The following PAK3 variants were observed in gnomAD, a reference collection of about 807,000 sequenced individuals.
The protein encoded by PAK3 is serine/threonine-protein kinase PAK 3.
PAK3 carries 4 observed loss-of-function variants against 41.0 expected under a neutral mutation model. The observed-to-expected ratio is 0.10, with a 90% CI of 0.05 to 0.22. The LOEUF is 0.22. Ranked by LOEUF, PAK3 falls within the 10% of genes least tolerant of loss-of-function variation. The pLI is 1.00. For missense variants in PAK3, 205 were observed against 409.9 expected, an observed-to-expected ratio of 0.50 and a Z score of 4.32; for synonymous variants, 146 against 139.6, an observed-to-expected ratio of 1.05 and a Z score of -0.32.
rs1217228722 is a variant in PAK3, at chrX:111,222,668, A to G, written c.*2221A>G. ...CTGGGATGCAAATAAAAATCAGTAC[A>G]TTAGTGACTGTGTCCTGCCAGTGGA... On this transcript the variant is annotated 3_prime_UTR_variant, in exon 18 of 18. Coordinates refer to ENST00000372007, the MANE Select transcript of PAK3 (RefSeq NM_002578.5). 3.6e-5 allele frequency: 4 copies of G among 111,876 alleles called. No individual in the cohort carries two copies. The highest frequency in any genetic ancestry group is 3.8e-5 in the Non-Finnish European group (2 of 53,159). The allele number at this position is 111,876 out of a possible 1,213,427, so 9.2% of individuals were successfully genotyped here.
At chrX:111,022,269 T>C (rs942001754) in intron 1 of PAK3, among the ~76,000 whole-genome samples, 23 of 111,943 alleles carry the variant, frequency 2.1e-4, no homozygotes, top group African/African-American at 6.8e-4. Context: ...TCTTCAGAGC[T>C]GTGAGGCAAA....
intron 8 of PAK3, among the ~76,000 whole-genome samples, chrX:111,159,095 G>T (rs1164060586): frequency 1.8e-5 from 2 of 110,788 alleles, no homozygotes; most frequent in East Asian, 5.7e-4. Flanking sequence ...GTAAATTTTT[G>T]AAATTATTTT....
At chrX:111,101,697 C>A (rs1000350806) in intron 3 of PAK3, among the ~76,000 whole-genome samples, 2 of 111,677 alleles carry the variant, frequency 1.8e-5, no homozygotes, top group African/African-American at 6.5e-5. Flanking sequence ...GCACCCCTCT[C>A]CCCCTCACCC....
chrX:111,054,358 T>C (rs1227232872), intron 1 of PAK3, among the ~76,000 whole-genome samples: 3 of 112,626 alleles, frequency 2.7e-5, no homozygotes, highest in Non-Finnish European at 5.6e-5. Flanking sequence ...CAGATAAGTA[T>C]GTGCTTAGAG....
chrX:110,984,765 C>G (rs2091510549), intron 1 of PAK3, among the ~76,000 whole-genome samples: 1 of 110,898 alleles, frequency 9.0e-6, no homozygotes, highest in African/African-American at 3.3e-5. Flanking sequence ...TAGTGGCAGC[C>G]TTACGCCCCC....
At chrX:111,171,515 G>T (rs773503449) in intron 10 of PAK3, among the ~76,000 whole-genome samples, 1 of 111,681 alleles carries the variant, frequency 9.0e-6, no homozygotes, top group Admixed American at 9.5e-5. Flanking sequence ...TATTTATTCT[G>T]AGTGATAGCA....
chrX:111,031,976 G>A (rs1481075672), intron 1 of PAK3, among the ~76,000 whole-genome samples: 2 of 112,064 alleles, frequency 1.8e-5, no homozygotes, highest in African/African-American at 3.2e-5. Flanking sequence ...CAAAATTACA[G>A]TAGTTATGAG....
At chrX:111,116,066 T>A in intron 4 of PAK3, among the ~76,000 whole-genome samples, 1 of 111,279 alleles carries the variant, frequency 9.0e-6, no homozygotes. Context: ...TTATTATCCA[T>A]GCATAGTAAC....
intron 1 of PAK3, among the ~76,000 whole-genome samples, chrX:110,979,485 GACGGGGTTTC>G (rs760056173): frequency 7.3e-5 from 8 of 109,355 alleles, no homozygotes; most frequent in Non-Finnish European, 1.9e-5. Context: ...TTTCAGTAGA[GACGGGGTTTC>G]ACCGTGTTAG....
intron 3 of PAK3, among the ~76,000 whole-genome samples, chrX:111,101,553 T>C (rs2093138358): frequency 8.9e-6 from 1 of 111,801 alleles, no homozygotes; most frequent in African/African-American, 3.3e-5. Context: ...TCCTCTAGTA[T>C]TGTTTCCCAC....
chrX:111,114,551 G>A (rs1357662675), intron 4 of PAK3, among the ~76,000 whole-genome samples: 2 of 111,743 alleles, frequency 1.8e-5, no homozygotes, highest in Non-Finnish European at 3.8e-5. Context: ...ATGTTGGGCT[G>A]ACATAAGATC....
At chrX:111,163,800 C>T (rs1266131402) in intron 10 of PAK3, 73 bp downstream of exon 10, 4 of 876,561 alleles carry the variant, frequency 4.6e-6, no homozygotes, top group Admixed American at 2.2e-5. Context: ...GGGAATTGAT[C>T]CTTTGGAAGT....
At chrX:111,058,758 T>G (rs73539039) in intron 1 of PAK3, among the ~76,000 whole-genome samples, 5,201 of 111,688 alleles carry the variant, frequency 0.047, 295 homozygotes, top group African/African-American at 0.16. Context: ...AAACACAAAA[T>G]ATTGACCCCT....
rs78753155 is a variant in PAK3 at position 111,160,595 on chromosome X, A to T, written c.469-2320A>T. Among the ~76,000 whole-genome samples the T allele has an allele frequency of 6.1e-3, 642 of 104,875 alleles. 1 individual carries two copies. The highest frequency in any genetic ancestry group is 7.8e-3 in the African/African-American group (227 of 28,922). 91.1% of individuals were successfully genotyped at this position (104,875 alleles called of 115,157 possible). On this transcript the variant is annotated intron_variant, in intron 8 of 17. Coordinates refer to ENST00000372007, the MANE Select transcript of PAK3 (RefSeq NM_002578.5). ...CTCATCATTTAGCATTAGGTATATC[A>T]CCTAATGCTATCCCTCCCCGCTCCC...
chrX:110,999,333 C>T (rs915540389), intron 1 of PAK3, among the ~76,000 whole-genome samples: 4 of 111,978 alleles, frequency 3.6e-5, no homozygotes, highest in Non-Finnish European at 7.5e-5. Context: ...ATCTCAGTTG[C>T]TGCATTGCAC....
At chrX:111,180,502 G>A (rs1449969533) in intron 11 of PAK3, among the ~76,000 whole-genome samples, 1 of 111,794 alleles carries the variant, frequency 8.9e-6, no homozygotes, top group Non-Finnish European at 1.9e-5. Flanking sequence ...AAATGAATAT[G>A]GATAAGTACC....
intron 8 of PAK3, among the ~76,000 whole-genome samples, chrX:111,153,664 T>A (rs1364371459): frequency 1.8e-5 from 2 of 112,110 alleles, no homozygotes; most frequent in Non-Finnish European, 3.8e-5. Context: ...CTGCTTGACA[T>A]CACCCTGGGT....
chrX:111,191,686 C>T (rs2094561771), intron 11 of PAK3, among the ~76,000 whole-genome samples: 1 of 111,971 alleles, frequency 8.9e-6, no homozygotes, highest in Admixed American at 9.5e-5. Context: ...CTAAACTATT[C>T]TTCAGTTTAA....
chrX:111,012,878 G>C (rs1331330259), intron 1 of PAK3, among the ~76,000 whole-genome samples: 1 of 111,582 alleles, frequency 9.0e-6, no homozygotes, highest in African/African-American at 3.3e-5. Context: ...CACTTTCCTG[G>C]CTCAAGCAAT....
Sources: allele counts gnomAD v4.1 joint callset (sites outside exome capture counted in the v4.1 genomes callset), GRCh38; gene constraint gnomAD v4.1.1; transcripts MANE v1.5; gene names NCBI Gene and HGNC (gene_info 2026-07-23, HGNC 2026-07-21).